Variants in MTREX observed in about 807,000 individuals in gnomAD.
MTREX encodes Mtr4 exosome RNA helicase.
MTREX carries 76 observed loss-of-function variants against 135.4 expected under a neutral mutation model. The observed-to-expected ratio is 0.56, with a 90% CI of 0.47 to 0.68. MTREX has a LOEUF of 0.68. Ranked by LOEUF, MTREX falls within the 30% of genes least tolerant of loss-of-function variation. MTREX has a pLI of 0.00. For missense variants in MTREX, 920 were observed against 1,262.1 expected, an observed-to-expected ratio of 0.73 and a Z score of 4.11; for synonymous variants, 404 against 401.6, an observed-to-expected ratio of 1.01 and a Z score of -0.07.
intron 15 of MTREX, among the ~76,000 whole-genome samples, chr5:55,366,280 G>C (rs1280817553): frequency 3.3e-5 from 5 of 152,174 alleles, no homozygotes; most frequent in African/African-American, 1.2e-4. Flanking sequence ...AGCCAACCCA[G>C]GAGTTCAAGA....
chr5:55,343,265 T>C, intron 7 of MTREX, 66 bp from the exon 8 acceptor site: 1 of 1,350,248 alleles, frequency 7.4e-7, no homozygotes, highest in South Asian at 1.4e-5. Flanking sequence ...AATATAATTT[T>C]AGATATTATC....
rs181878188 is a variant in MTREX at position 55,327,608 on chromosome 5, C to G, written c.340-108C>G. On this transcript the variant is annotated intron_variant, in intron 3 of 26. Transcript: ENST00000230640. ...TCTGAGACAGCTAAAGTTCATCACT[C>G]TAGTTCATCAGTTTTATTTTCCAAA... 35 of 819,866 alleles carry G rather than the reference C, an allele frequency of 4.3e-5. No homozygotes were observed. In the East Asian group the frequency reaches 8.5e-4, roughly 20 times the overall value. The allele number at this position is 819,866 out of a possible 1,614,324, so 50.8% of individuals were successfully genotyped here.
At chr5:55,383,666 CTTCTT>C (rs1476345473) in intron 18 of MTREX, among the ~76,000 whole-genome samples, 6 of 152,184 alleles carry the variant, frequency 3.9e-5, no homozygotes, top group African/African-American at 1.4e-4. Flanking sequence ...AGTGACCAAA[CTTCTT>C]TGCCTTTATC....
Position 55,351,029 on chromosome 5 carries a change from G to C in MTREX, c.1431G>C (p.Lys477Asn). The stretch of plus-strand genomic sequence containing the variant: ...TTCTCTTTTCTGAAGGATTGATAAA[G>C]GTATGGTTTTATTTTTATTTTTTAT... ...IEILFSEGLI[K>N]ALFATETFAM... The change falls in exon 13 of 27, where the codon AAG (lysine) becomes AAC (asparagine). Residue 477 changes from lysine to asparagine, a missense_variant and splice_region_variant. Physicochemically the swap from Lys to Asn is moderately conservative, Grantham distance 94. Transcript: ENST00000230640. The C allele has an allele frequency of 6.3e-7, 1 of 1,591,126 alleles. No individual in the cohort carries two copies. Among genetic ancestry groups the C allele is most frequent in the Non-Finnish European group, 8.5e-7 (1 of 1,174,310 alleles).
At chr5:55,424,233 A>C (rs1751108258) in intron 26 of MTREX, 1 of 152,268 alleles carries the variant, frequency 6.6e-6, no homozygotes, top group Non-Finnish European at 1.5e-5. Flanking sequence ...CTCCACATCC[A>C]CCTCCCAGGT....
chr5:55,322,170 A>C (rs1351698269), intron 1 of MTREX, among the ~76,000 whole-genome samples, 157 bp from the exon 2 acceptor site: 1 of 152,224 alleles, frequency 6.6e-6, no homozygotes, highest in Admixed American at 6.5e-5. Context: ...ACTAGTTATA[A>C]AGTTAAGGTA....
At chr5:55,382,552 A>G (rs1750413342) in intron 18 of MTREX, among the ~76,000 whole-genome samples, 1 of 152,152 alleles carries the variant, frequency 6.6e-6, no homozygotes. Flanking sequence ...ATACATTATT[A>G]TGATTAATAC....
intron 13 of MTREX, among the ~76,000 whole-genome samples, chr5:55,351,578 A>G (rs1749828758): frequency 6.6e-6 from 1 of 152,178 alleles, no homozygotes; most frequent in African/African-American, 2.4e-5. Context: ...ATTGGATACC[A>G]CAGAATGTTG....
At chr5:55,397,292 G>A (rs941467572) in intron 19 of MTREX, 124 bp from the exon 20 acceptor site, 5 of 480,810 alleles carry the variant, frequency 1.0e-5, no homozygotes, top group Non-Finnish European at 1.9e-5. Flanking sequence ...TGATTATTAT[G>A]TACTTCTTAT....
At chr5:55,395,632 A>G (rs138120879) in intron 19 of MTREX, among the ~76,000 whole-genome samples, 56 of 152,260 alleles carry the variant, frequency 3.7e-4, no homozygotes, top group Non-Finnish European at 6.3e-4. Context: ...AATCCTGCAG[A>G]TAGCACCTTA....
At chr5:55,372,129 A>C (rs1470239016) in intron 16 of MTREX, among the ~76,000 whole-genome samples, 1 of 152,080 alleles carries the variant, frequency 6.6e-6, no homozygotes, top group Non-Finnish European at 1.5e-5. Context: ...CAGGATCATC[A>C]TTTCAGTGTG....
intron 1 of MTREX, among the ~76,000 whole-genome samples, chr5:55,317,048 C>CCA (rs138271067): frequency 0.01 from 1,582 of 151,472 alleles, 26 homozygotes; most frequent in African/African-American, 0.035. Context: ...CTCCCCCCTC[C>CCA]CACACACACA....
chr5:55,392,556 A>G (rs956542888), intron 19 of MTREX, among the ~76,000 whole-genome samples: 1 of 151,924 alleles, frequency 6.6e-6, no homozygotes, highest in African/African-American at 2.4e-5. Flanking sequence ...AAAAAAAAAA[A>G]AAAAAAAATT....
chr5:55,354,711 T>A (rs764687827), intron 14 of MTREX, among the ~76,000 whole-genome samples: 1 of 152,026 alleles, frequency 6.6e-6, no homozygotes, highest in Non-Finnish European at 1.5e-5. Context: ...AGCTGCTGAG[T>A]GGGAGCCAAA....
intron 22 of MTREX, among the ~76,000 whole-genome samples, chr5:55,405,870 T>C (rs1750797227): frequency 6.6e-6 from 1 of 152,214 alleles, no homozygotes; most frequent in Admixed American, 6.5e-5. Flanking sequence ...AAATCTTAGA[T>C]CTCAGTAATT....
In MTREX at chr5:55,328,353, G is replaced by T. The variant is rs537133380; in HGVS notation, c.403-346G>T. Among the ~76,000 whole-genome samples the T allele has an allele frequency of 2.0e-5, 3 of 152,218 alleles. No homozygotes were observed. In the South Asian group the frequency reaches 6.2e-4, roughly 32 times the overall value. On this transcript the variant is annotated intron_variant, in intron 4 of 26. Transcript: ENST00000230640. ...AAAGGAAATAATATCTATGATAGGG[G>T]TTGTTGTGAAAATTAGTAATAATAT...
chr5:55,415,482 C>T (rs1750952970), intron 24 of MTREX, among the ~76,000 whole-genome samples: 2 of 152,170 alleles, frequency 1.3e-5, no homozygotes, highest in Admixed American at 6.5e-5. Flanking sequence ...GCAAAGTCTT[C>T]ATAGGCCTAG....
intron 11 of MTREX, among the ~76,000 whole-genome samples, chr5:55,348,141 A>G (rs1749769197): frequency 6.6e-6 from 1 of 152,148 alleles, no homozygotes; most frequent in Non-Finnish European, 1.5e-5. Flanking sequence ...AGAGGCTGGA[A>G]ATCCAATTTG....
intron 1 of MTREX, among the ~76,000 whole-genome samples, chr5:55,309,580 T>A (rs142484810): frequency 6.6e-6 from 1 of 152,206 alleles, no homozygotes; most frequent in East Asian, 1.9e-4. Flanking sequence ...TTAATTTGCA[T>A]GTCAGGGTGA....
Sources: gnomAD v4.1 joint callset for allele counts (sites outside exome capture counted in the v4.1 genomes callset) on GRCh38, gnomAD v4.1.1 for gene constraint, MANE v1.5 for transcripts, NCBI Gene and HGNC (gene_info 2026-07-23, HGNC 2026-07-21) for gene names.